The following ZMYM2 variants were observed in gnomAD, a reference collection of about 807,000 sequenced individuals.
ZMYM2 encodes the protein zinc finger MYM-type protein 2.
A neutral mutation model predicts 162.8 loss-of-function variants in ZMYM2; 56 were observed. The observed-to-expected ratio is 0.34, with a 90% CI of 0.28 to 0.43. The LOEUF is 0.43. Among genes scored for constraint, ZMYM2 ranks in the 20% least tolerant of loss-of-function variants. The pLI is 1.00. For synonymous variants in ZMYM2, 510 were observed against 541.6 expected (o/e 0.94, Z 0.81); for missense variants, 1,275 against 1,621.8 (o/e 0.79, Z 3.67).
intron 21 of ZMYM2, among the ~76,000 whole-genome samples, chr13:20,071,561 C>A (rs1407289311): frequency 6.6e-6 from 1 of 152,128 alleles, no homozygotes; most frequent in African/African-American, 2.4e-5. Flanking sequence ...GTGAATTGGC[C>A]CCCTGTGCAG....
chr13:20,013,254 G>T (rs1037803556), intron 6 of ZMYM2, among the ~76,000 whole-genome samples: 5 of 152,018 alleles, frequency 3.3e-5, no homozygotes, highest in Admixed American at 3.3e-4. Flanking sequence ...TTCCTTTTCA[G>T]ATTGTACATT....
At chr13:19,987,657 G>GTGTGTA (rs1393342177) in intron 2 of ZMYM2, among the ~76,000 whole-genome samples, 2 of 143,044 alleles carry the variant, frequency 1.4e-5, no homozygotes, top group Admixed American at 6.9e-5. Context: ...GTGTGTGTGT[G>GTGTGTA]TATAGGAAAG....
chr13:20,059,183 A>C (rs1956041899), intron 15 of ZMYM2, among the ~76,000 whole-genome samples: 1 of 151,990 alleles, frequency 6.6e-6, no homozygotes, highest in Non-Finnish European at 1.5e-5. Flanking sequence ...GGGTATCTGG[A>C]ACTACATAGT....
At chr13:19,961,899 T>TA (rs1955257728) in intron 2 of ZMYM2, among the ~76,000 whole-genome samples, 1 of 152,224 alleles carries the variant, frequency 6.6e-6, no homozygotes. Flanking sequence ...AGTAGGAACA[T>TA]ATGTAAATGC....
At chr13:20,058,837 AC>A (rs1471166164) in intron 15 of ZMYM2, 133 bp downstream of exon 15, 1 of 1,254,318 alleles carries the variant, frequency 8.0e-7, no homozygotes, top group East Asian at 2.3e-5. Context: ...GATTTTGCTT[AC>A]GTAATTTTAG....
chr13:19,925,525 G>A, the ZMYM2 span, among the ~76,000 whole-genome samples: 1 of 152,206 alleles, frequency 6.6e-6, no homozygotes, highest in Admixed American at 6.5e-5. Context: ...ATATGTTGCT[G>A]TATTTGAAGT....
chr13:19,904,579 A>T, the ZMYM2 span, among the ~76,000 whole-genome samples: 1 of 152,138 alleles, frequency 6.6e-6, no homozygotes, highest in Admixed American at 6.6e-5. Context: ...TTTTTTAATA[A>T]TAATAATATT....
chr13:19,900,690 T>A, the ZMYM2 span, among the ~76,000 whole-genome samples: 4 of 152,142 alleles, frequency 2.6e-5, no homozygotes, highest in Non-Finnish European at 4.4e-5. Flanking sequence ...CTCAACTTGA[T>A]GTAGTGTCAC....
At chr13:19,929,882 C>T in the ZMYM2 span, among the ~76,000 whole-genome samples, 1 of 152,148 alleles carries the variant, frequency 6.6e-6, no homozygotes, top group Non-Finnish European at 1.5e-5. Flanking sequence ...ATTTCAATTT[C>T]TTGAATAGTT....
At chr13:19,988,815 A>G (rs1326629974) in intron 2 of ZMYM2, among the ~76,000 whole-genome samples, 1 of 152,208 alleles carries the variant, frequency 6.6e-6, no homozygotes, top group Non-Finnish European at 1.5e-5. Context: ...ATGATTCATT[A>G]AAAAGTTAGT....
intron 6 of ZMYM2, among the ~76,000 whole-genome samples, chr13:20,013,245 T>A (rs961473475): frequency 2.0e-5 from 3 of 152,224 alleles, no homozygotes; most frequent in Admixed American, 6.5e-5. Context: ...TTTATTAATT[T>A]CCTTTTCAGA....
At chr13:19,907,841 T>C in the ZMYM2 span, among the ~76,000 whole-genome samples, 1 of 150,528 alleles carries the variant, frequency 6.6e-6, no homozygotes. Context: ...AGGTAAAGTC[T>C]ATTTTTAAGA....
intron 14 of ZMYM2, among the ~76,000 whole-genome samples, chr13:20,054,613 CTG>C (rs1351956127): frequency 6.6e-6 from 1 of 152,184 alleles, no homozygotes; most frequent in Non-Finnish European, 1.5e-5. Flanking sequence ...ACACAGATAA[CTG>C]TGTATCCTGC....
At chr13:20,015,787 T>C (rs543383369) in intron 6 of ZMYM2, among the ~76,000 whole-genome samples, 1 of 152,132 alleles carries the variant, frequency 6.6e-6, no homozygotes, top group Non-Finnish European at 1.5e-5. Flanking sequence ...TATATTAATA[T>C]GGCAACCCCA....
chr13:20,075,000 G>A (rs975778679), intron 21 of ZMYM2, among the ~76,000 whole-genome samples: 1 of 151,964 alleles, frequency 6.6e-6, no homozygotes, highest in Admixed American at 6.6e-5. Context: ...TTTTATTATT[G>A]GATACATTTT....
the ZMYM2 span, among the ~76,000 whole-genome samples, chr13:19,888,696 T>C: frequency 6.6e-6 from 1 of 151,656 alleles, no homozygotes; most frequent in Non-Finnish European, 1.5e-5. Context: ...GTCTCCTGAT[T>C]TCAAGAGATT....
At chr13:20,069,679 T>C (rs1956934539) in intron 21 of ZMYM2, among the ~76,000 whole-genome samples, 1 of 152,096 alleles carries the variant, frequency 6.6e-6, no homozygotes, top group South Asian at 2.1e-4. Context: ...CTCCAATTGA[T>C]AATGTTATCC....
chr13:20,035,905 CAG>C (rs544580887), intron 11 of ZMYM2, among the ~76,000 whole-genome samples: 3 of 152,036 alleles, frequency 2.0e-5, no homozygotes, highest in Admixed American at 6.5e-5. Flanking sequence ...TTCAAGGTAA[CAG>C]AAGTCATAGG....
At chr13:19,910,150 C>A in the ZMYM2 span, among the ~76,000 whole-genome samples, 1 of 151,818 alleles carries the variant, frequency 6.6e-6, no homozygotes, top group Non-Finnish European at 1.5e-5. Flanking sequence ...TGGCGTGAAC[C>A]CGGGAGGCGG....
Sources: allele counts gnomAD v4.1 joint callset (sites outside exome capture counted in the v4.1 genomes callset), GRCh38; gene constraint gnomAD v4.1.1; transcripts MANE v1.5; gene names NCBI Gene and HGNC (gene_info 2026-07-23, HGNC 2026-07-21).